The following REDIC1 variants were observed in gnomAD, a reference collection of about 807,000 sequenced individuals.
REDIC1 encodes the protein regulator of DNA class I crossover intermediates 1, also known as HEI10 Interacting Protein 1.
the REDIC1 span, among the ~76,000 whole-genome samples, chr12:39,638,630 G>A: frequency 4.0e-5 from 6 of 151,728 alleles, no homozygotes; most frequent in South Asian, 2.1e-4. Context: ...GACTATATTC[G>A]GGACAATATT....
the REDIC1 span, among the ~76,000 whole-genome samples, chr12:39,632,879 A>G: frequency 6.6e-6 from 1 of 152,208 alleles, no homozygotes; most frequent in Non-Finnish European, 1.5e-5. Context: ...AGCCTGCAGT[A>G]CTGAAGTTGA....
chr12:39,640,546 T>G, the REDIC1 span, among the ~76,000 whole-genome samples: 1 of 151,962 alleles, frequency 6.6e-6, no homozygotes, highest in Non-Finnish European at 1.5e-5. Context: ...CAAATAGATT[T>G]CAACTTCCTC....
chr12:39,806,509 T>C, the REDIC1 span, among the ~76,000 whole-genome samples: 7 of 152,316 alleles, frequency 4.6e-5, no homozygotes, highest in Admixed American at 4.6e-4. Flanking sequence ...ATTGCATTTA[T>C]CATTATCTGA....
chr12:39,727,013 T>C, the REDIC1 span, among the ~76,000 whole-genome samples: 7 of 150,804 alleles, frequency 4.6e-5, no homozygotes, highest in Non-Finnish European at 8.8e-5. Flanking sequence ...ATGGGGTTGT[T>C]TGTTTTTCTT....
At chr12:39,629,711 T>C in the REDIC1 span, among the ~76,000 whole-genome samples, 1 of 152,202 alleles carries the variant, frequency 6.6e-6, no homozygotes, top group African/African-American at 2.4e-5. Context: ...TTGCAAGATA[T>C]CATAACAGTG....
the REDIC1 span, among the ~76,000 whole-genome samples, chr12:39,707,322 T>C: frequency 1.3e-5 from 2 of 151,942 alleles, no homozygotes; most frequent in East Asian, 3.9e-4. Flanking sequence ...TGATATCACC[T>C]CGTTTAAAAT....
At chr12:39,863,179 T>A in the REDIC1 span, among the ~76,000 whole-genome samples, 2 of 152,116 alleles carry the variant, frequency 1.3e-5, no homozygotes, top group Non-Finnish European at 2.9e-5. Flanking sequence ...TCTTACCTCA[T>A]TAAAATTGAA....
chr12:39,748,085 C>T, the REDIC1 span, among the ~76,000 whole-genome samples: 1 of 151,688 alleles, frequency 6.6e-6, no homozygotes, highest in African/African-American at 2.4e-5. Flanking sequence ...CAATATTAAC[C>T]TTAAATGTAA....
At chr12:39,784,161 A>G in the REDIC1 span, among the ~76,000 whole-genome samples, 4 of 152,196 alleles carry the variant, frequency 2.6e-5, no homozygotes, top group South Asian at 4.1e-4. Context: ...AAGGTAATTT[A>G]TAGATTCAAT....
chr12:39,797,080 C>T, the REDIC1 span, among the ~76,000 whole-genome samples: 1 of 152,018 alleles, frequency 6.6e-6, no homozygotes, highest in Non-Finnish European at 1.5e-5. Context: ...TGTAGGCACC[C>T]GATAATGGAA....
chr12:39,711,368 C>A, the REDIC1 span, among the ~76,000 whole-genome samples: 3 of 144,774 alleles, frequency 2.1e-5, no homozygotes, highest in Admixed American at 2.1e-4. Context: ...TACATATATA[C>A]ACATATACAT....
At chr12:39,805,131 C>A in the REDIC1 span, among the ~76,000 whole-genome samples, 118,186 of 146,490 alleles carry the variant, frequency 0.81, 46,170 homozygotes, top group Non-Finnish European at 0.84. Context: ...AGGAAGACAG[C>A]AAGGGCAGGC....
At chr12:39,742,094 C>G in the REDIC1 span, among the ~76,000 whole-genome samples, 1 of 152,146 alleles carries the variant, frequency 6.6e-6, no homozygotes, top group Admixed American at 6.5e-5. Flanking sequence ...ACATCCCTTA[C>G]CGTCATGGCT....
At chr12:39,866,599 C>T in the REDIC1 span, among the ~76,000 whole-genome samples, 4,774 of 152,078 alleles carry the variant, frequency 0.031, 235 homozygotes, top group African/African-American at 0.11. Flanking sequence ...CCTGCCTCAG[C>T]CTCTGGAGTA....
At chr12:39,658,327 C>T in the REDIC1 span, among the ~76,000 whole-genome samples, 1 of 152,130 alleles carries the variant, frequency 6.6e-6, no homozygotes, top group Non-Finnish European at 1.5e-5. Context: ...TCAAGTGATC[C>T]ACCTGCCTCA....
the REDIC1 span, among the ~76,000 whole-genome samples, chr12:39,812,337 T>TTTTTTTC: frequency 1.5e-5 from 2 of 135,188 alleles, no homozygotes; most frequent in Non-Finnish European, 3.1e-5. Context: ...ACTAATTTCT[T>TTTTTTTC]TTTTCTTTTC....
chr12:39,633,555 T>C, the REDIC1 span, among the ~76,000 whole-genome samples: 1 of 152,206 alleles, frequency 6.6e-6, no homozygotes, highest in Non-Finnish European at 1.5e-5. Flanking sequence ...AGTAACACAG[T>C]CTTTTATCAT....
chr12:39,740,439 A>T, the REDIC1 span, among the ~76,000 whole-genome samples: 1 of 152,172 alleles, frequency 6.6e-6, no homozygotes, highest in Non-Finnish European at 1.5e-5. Flanking sequence ...TCTTTCCAAA[A>T]TGTTGTATCA....
chr12:39,878,739 A>C, the REDIC1 span, among the ~76,000 whole-genome samples: 5 of 152,234 alleles, frequency 3.3e-5, no homozygotes, highest in African/African-American at 9.6e-5. Flanking sequence ...TGGCAGAAAA[A>C]GAAAAAAGCT....
Sources: allele counts gnomAD v4.1 joint callset (sites outside exome capture counted in the v4.1 genomes callset), GRCh38; gene constraint gnomAD v4.1.1; transcripts MANE v1.5; gene names NCBI Gene and HGNC (gene_info 2026-07-23, HGNC 2026-07-21).